Variants in RBFOX1 observed in about 807,000 individuals in gnomAD.
RBFOX1 encodes the protein RNA binding fox-1 homolog 1, also known as RNA binding protein fox-1 homolog 1.
A neutral mutation model predicts 57.7 loss-of-function variants in RBFOX1; 8 were observed. The ratio of observed to expected loss-of-function variants is 0.14; its 90% confidence interval spans 0.08 to 0.25. The LOEUF is 0.25. Ranked by LOEUF, RBFOX1 falls within the 10% of genes least tolerant of loss-of-function variation. The pLI is 1.00. For synonymous variants in RBFOX1, 326 were observed against 222.4 expected, an observed-to-expected ratio of 1.47 and a Z score of -4.15; for missense variants, 611 against 548.5, an observed-to-expected ratio of 1.11 and a Z score of -1.14.
At chr16:6,309,015 C>G (rs2079897905) in intron 1 of RBFOX1, among the ~76,000 whole-genome samples, 2 of 152,062 alleles carry the variant, frequency 1.3e-5, no homozygotes, top group South Asian at 2.1e-4. Context: ...ACTTACCTCT[C>G]TCCTCTCACC....
At chr16:5,385,317 G>A (rs1353412435) in intron 1 of RBFOX1, among the ~76,000 whole-genome samples, 2 of 152,198 alleles carry the variant, frequency 1.3e-5, no homozygotes, top group Non-Finnish European at 2.9e-5. Context: ...ACTTCTCAGA[G>A]CCTTTACTAT....
At chr16:6,565,867 T>C (rs947949160) in intron 2 of RBFOX1, among the ~76,000 whole-genome samples, 5 of 152,230 alleles carry the variant, frequency 3.3e-5, no homozygotes, top group African/African-American at 1.2e-4. Context: ...AGACAGGCTA[T>C]GCTGTAGTAA....
intron 2 of RBFOX1, among the ~76,000 whole-genome samples, chr16:5,495,472 C>T (rs1048812420): frequency 2.0e-5 from 3 of 152,232 alleles, no homozygotes; most frequent in Non-Finnish European, 4.4e-5. Context: ...TCACCTCCAA[C>T]ACTTGGGATC....
intron 4 of RBFOX1, among the ~76,000 whole-genome samples, chr16:5,923,494 G>T (rs549269187): frequency 2.7e-5 from 4 of 148,518 alleles, no homozygotes; most frequent in Admixed American, 6.8e-5. Flanking sequence ...GACAGATTGC[G>T]AATTCAGACC....
Position 5,711,033 on chromosome 16 carries a change from C to G in RBFOX1, c.318+112072C>G, listed in dbSNP as rs146324364. Among the ~76,000 whole-genome samples the G allele has an allele frequency of 6.6e-3, 1,006 of 152,206 alleles. 8 individuals carry two copies. Among genetic ancestry groups the G allele is most frequent in the African/African-American group, 0.022 (917 of 41,516 alleles). On this transcript the variant is annotated intron_variant, in intron 3 of 19. Transcript: ENST00000641259. The stretch of plus-strand genomic sequence containing the variant: ...AAGTGGGAAGCACAAGGAGACATGC[C>G]TCTGGACTCCCAGGGTGTTTGATCT...
intron 2 of RBFOX1, among the ~76,000 whole-genome samples, chr16:5,522,655 C>A (rs1168860079): frequency 1.3e-5 from 2 of 152,162 alleles, no homozygotes; most frequent in Non-Finnish European, 2.9e-5. Flanking sequence ...TGTTTGTACC[C>A]ATTAACCAGT....
chr16:7,363,922 G>A (rs963062503), intron 4 of RBFOX1, among the ~76,000 whole-genome samples: 12 of 152,076 alleles, frequency 7.9e-5, no homozygotes, highest in African/African-American at 2.9e-4. Flanking sequence ...AGCAGAAGTG[G>A]GAAGAGGCAT....
intron 4 of RBFOX1, among the ~76,000 whole-genome samples, chr16:7,054,552 G>C (rs1208108837): frequency 6.9e-6 from 1 of 144,226 alleles, no homozygotes; most frequent in East Asian, 2.5e-4. Flanking sequence ...GGGTGGGGGG[G>C]CATTTTTTAA....
intron 4 of RBFOX1, among the ~76,000 whole-genome samples, chr16:7,256,948 G>A (rs146185435): frequency 6.6e-6 from 1 of 152,164 alleles, no homozygotes; most frequent in East Asian, 1.9e-4. Flanking sequence ...CAGCCTTTCT[G>A]TTTCTCCTGT....
intron 7 of RBFOX1, among the ~76,000 whole-genome samples, chr16:7,594,724 T>C (rs904449797): frequency 3.3e-5 from 5 of 152,200 alleles, no homozygotes; most frequent in African/African-American, 9.6e-5. Context: ...CCTGTTGATA[T>C]GAAAAATAAA....
At chr16:7,637,188 T>A (rs1483662915) in intron 11 of RBFOX1, among the ~76,000 whole-genome samples, 1 of 151,180 alleles carries the variant, frequency 6.6e-6, no homozygotes, top group East Asian at 1.9e-4. Flanking sequence ...GAACAGTAGA[T>A]CCCCATCAGG....
intron 3 of RBFOX1, among the ~76,000 whole-genome samples, chr16:6,955,736 T>G (rs889696822): frequency 6.6e-6 from 1 of 152,042 alleles, no homozygotes; most frequent in Admixed American, 6.6e-5. Context: ...GGAGTTTCAC[T>G]CTTGTTCCCC....
At chr16:6,587,630 C>T (rs2097648460) in intron 2 of RBFOX1, among the ~76,000 whole-genome samples, 1 of 152,018 alleles carries the variant, frequency 6.6e-6, no homozygotes, top group Non-Finnish European at 1.5e-5. Flanking sequence ...GAAGCTAGAC[C>T]ATGACAGACA....
intron 1 of RBFOX1, among the ~76,000 whole-genome samples, chr16:5,402,286 A>G (rs1441733756): frequency 1.3e-5 from 2 of 152,184 alleles, no homozygotes; most frequent in Non-Finnish European, 2.9e-5. Flanking sequence ...CCTCGCCTCT[A>G]TCATGTTGCT....
At position 7,514,319 on chromosome 16, in the gene RBFOX1, C is replaced by T. The variant is rs1010272767; in HGVS notation, c.28-3828C>T. ...GCTAGGTCCTCTCTTCATCCCCCTACCCTATCTCCTGCTGCCAGACTAGGC... is the reference window on the plus strand; with the variant it reads ...GCTAGGTCCTCTCTTCATCCCCCTATCCTATCTCCTGCTGCCAGACTAGGC... On this transcript the variant is annotated intron_variant, in intron 4 of 15. Transcript: ENST00000550418. 2.0e-5 allele frequency among the ~76,000 whole-genome samples: 3 copies of T among 152,222 alleles called. No individual in the cohort carries two copies. The South Asian group carries it at 6.2e-4, about 31-fold the overall frequency.
rs143708516 is a variant in RBFOX1, at chr16:7,676,810, C to G, written c.967C>G (p.Pro323Ala). 6.2e-7 allele frequency: 1 copy of G among 1,613,316 alleles called. No individual in the cohort carries two copies. Among genetic ancestry groups the G allele is most frequent in the Non-Finnish European group, 8.5e-7 (1 of 1,179,444 alleles). ...TGCATACCGCTACGCCCAGCCTACC[C>G]CTGCCACTGCCGCTGCCTACAGTGA... is the stretch of plus-strand genomic sequence containing the variant. ...YAAYRYAQPT[P>A]ATAAAYSDSY... is the part of the protein sequence containing the mutation. The change falls in exon 14 of 16, where the codon CCT becomes GCT. Residue 323 changes from proline to alanine, a missense_variant. Pro to Ala is a conservative substitution (Grantham distance 27). Around this residue, in one of 3 missense-constraint regions of RBFOX1, gnomAD observed 267 missense variants for 229.1 expected, o/e 1.17. Transcript: ENST00000550418.
intron 1 of RBFOX1, among the ~76,000 whole-genome samples, chr16:6,140,387 G>A (rs1027661964): frequency 6.6e-6 from 1 of 151,924 alleles, no homozygotes; most frequent in African/African-American, 2.4e-5. Flanking sequence ...GTAGACACGA[G>A]GTCTTGCTGT....
At chr16:6,884,826 A>AG (rs988511155) in intron 3 of RBFOX1, among the ~76,000 whole-genome samples, 1 of 152,186 alleles carries the variant, frequency 6.6e-6, no homozygotes, top group African/African-American at 2.4e-5. Context: ...TGAACTCAGG[A>AG]GGTGGAGGTG....
At chr16:6,424,586 C>G (rs1002080231) in intron 2 of RBFOX1, among the ~76,000 whole-genome samples, 1 of 113,360 alleles carries the variant, frequency 8.8e-6, no homozygotes, top group Non-Finnish European at 2.0e-5. Context: ...TTGAGAAACC[C>G]TAGTACATCT....
Sources: allele counts gnomAD v4.1 joint callset (sites outside exome capture counted in the v4.1 genomes callset), GRCh38; gene constraint gnomAD v4.1.1; regional missense constraint gnomAD v4.1.1; transcripts MANE v1.5; gene names NCBI Gene and HGNC (gene_info 2026-07-23, HGNC 2026-07-21).